DNAJC3: variants seen among roughly 807,000 people sequenced by gnomAD.
DNAJC3 encodes DnaJ heat shock protein family (Hsp40) member C3, also known as dnaJ homolog subfamily C member 3.
DNAJC3 carries 38 observed loss-of-function variants against 68.6 expected under a neutral mutation model. The observed-to-expected ratio is 0.55, with a 90% CI of 0.43 to 0.73. The LOEUF (loss-of-function observed/expected upper bound fraction) is 0.73. DNAJC3 is among the 30% of genes least tolerant of loss of function. DNAJC3 has a pLI of 0.00. For synonymous variants in DNAJC3, 203 were observed against 204.0 expected (o/e 1.00, Z 0.04); for missense variants, 526 against 591.9 (o/e 0.89, Z 1.16).
chr13:95,746,074 T>C (rs1882296758), intron 4 of DNAJC3, among the ~76,000 whole-genome samples: 1 of 152,178 alleles, frequency 6.6e-6, no homozygotes, highest in Non-Finnish European at 1.5e-5. Context: ...AGTTGGCAAG[T>C]AGGTTTTAGA....
Position 95,794,393 on chromosome 13 carries a change from CAA to C in DNAJC3, c.*3365_*3366del, listed in dbSNP as rs1883898098. ...GACACGGCCCTGGTGATGGGCGTTGCAAAGTTTTCACTGAGCACACAGCAATG... is the reference window on the plus strand; with the variant it reads ...GACACGGCCCTGGTGATGGGCGTTGCAGTTTTCACTGAGCACACAGCAATG... On this transcript the variant is annotated 3_prime_UTR_variant, in exon 12 of 12. Coordinates refer to ENST00000602402, the MANE Select transcript of DNAJC3 (RefSeq NM_006260.5). 1 of 152,204 alleles carries C rather than the reference CAA, an allele frequency of 6.6e-6. No individual in the cohort carries two copies. Among genetic ancestry groups the C allele is most frequent in the Admixed American group, 6.5e-5 (1 of 15,276 alleles). The allele number at this position is 152,204 out of a possible 1,614,324, so 9.4% of individuals were successfully genotyped here. A position where few individuals can be genotyped will look rare whatever the true frequency, so the allele number is the denominator to read the frequency against.
chr13:95,723,351 G>A lies in DNAJC3; in HGVS notation c.303G>A (p.Lys101=). ...LPDLTKVIQL[K]MDFTAARLQR... is the part of the protein sequence containing the mutation. ...ATTTAACTAAAGTGATTCAATTGAA[G>A]ATGGACTTCACTGCAGTAAGTATAT... The change falls in exon 3 of 12, where the codon AAG becomes AAA. Residue 101 remains lysine (K), a synonymous_variant. Coordinates refer to ENST00000602402, the MANE Select transcript of DNAJC3 (RefSeq NM_006260.5). 6.2e-7 allele frequency: 1 copy of A among 1,612,222 alleles called. No homozygotes were observed. Among genetic ancestry groups the A allele is most frequent in the Non-Finnish European group, 8.5e-7 (1 of 1,178,864 alleles).
At chr13:95,772,962 A>G (rs1367709799) in intron 9 of DNAJC3, among the ~76,000 whole-genome samples, 2 of 152,132 alleles carry the variant, frequency 1.3e-5, no homozygotes, top group African/African-American at 4.8e-5. Flanking sequence ...GTCAGAGTTC[A>G]GTGTTAAGGA....
intron 9 of DNAJC3, among the ~76,000 whole-genome samples, chr13:95,768,269 A>G (rs1026605727): frequency 6.6e-6 from 1 of 152,214 alleles, no homozygotes; most frequent in Non-Finnish European, 1.5e-5. Flanking sequence ...TGTGGTGGCT[A>G]TTAAATAAGA....
intron 1 of DNAJC3, among the ~76,000 whole-genome samples, chr13:95,695,861 G>T (rs1174817926): frequency 2.6e-5 from 4 of 152,152 alleles, no homozygotes; most frequent in Non-Finnish European, 5.9e-5. Context: ...AGCTGAAGTT[G>T]TAATTAAACT....
At chr13:95,749,034 A>G (rs1417451983) in intron 4 of DNAJC3, among the ~76,000 whole-genome samples, 1 of 152,222 alleles carries the variant, frequency 6.6e-6, no homozygotes, top group Non-Finnish European at 1.5e-5. Flanking sequence ...AACTGTAAGG[A>G]GCTATCAATT....
chr13:95,764,371 C>CTATA (rs1281146488), intron 9 of DNAJC3, among the ~76,000 whole-genome samples: 53 of 132,744 alleles, frequency 4.0e-4, no homozygotes, highest in Middle Eastern at 3.9e-3. Context: ...CTCTCTCTCT[C>CTATA]TCTCTATATA....
intron 4 of DNAJC3, among the ~76,000 whole-genome samples, chr13:95,741,411 AT>A (rs1179845824): frequency 6.6e-6 from 1 of 152,036 alleles, no homozygotes; most frequent in African/African-American, 2.4e-5. Flanking sequence ...TTTGCTGGGG[AT>A]GGGGATGTCA....
At chr13:95,785,854 G>A (rs1385105197) in intron 9 of DNAJC3, 85 bp from the exon 10 acceptor site, 4 of 1,312,178 alleles carry the variant, frequency 3.0e-6, no homozygotes, top group Admixed American at 2.9e-5. Context: ...GGGGGATGAC[G>A]ACTTTAGCAT....
intron 2 of DNAJC3, among the ~76,000 whole-genome samples, chr13:95,716,925 A>T (rs1881169994): frequency 6.6e-6 from 1 of 152,198 alleles, no homozygotes; most frequent in Non-Finnish European, 1.5e-5. Flanking sequence ...GTCCGTGGGC[A>T]CAGGCCCAAG....
At chr13:95,709,374 T>G (rs762393448) in intron 2 of DNAJC3, 37 bp downstream of exon 2, 25 of 1,465,320 alleles carry the variant, frequency 1.7e-5, no homozygotes, top group Non-Finnish European at 2.2e-5. Context: ...AGTGTCTGTC[T>G]TAGTGAATTC....
intron 4 of DNAJC3, among the ~76,000 whole-genome samples, chr13:95,729,655 A>G (rs962586639): frequency 6.6e-6 from 1 of 152,016 alleles, no homozygotes; most frequent in African/African-American, 2.4e-5. Flanking sequence ...TTTTCTCTGC[A>G]TTCTTGCCAG....
At chr13:95,734,495 G>C (rs1881824264) in intron 4 of DNAJC3, among the ~76,000 whole-genome samples, 1 of 152,284 alleles carries the variant, frequency 6.6e-6, no homozygotes, top group East Asian at 1.9e-4. Flanking sequence ...ATGTGCCATG[G>C]AGAAGTCCTT....
chr13:95,760,033 C>G lies in DNAJC3; in HGVS notation c.547-7C>G, dbSNP rs764758052. 1.8e-5 allele frequency: 29 copies of G among 1,569,216 alleles called. No individual in the cohort carries two copies. Among genetic ancestry groups the G allele is most frequent in the Non-Finnish European group, 2.4e-5 (28 of 1,158,140 alleles). ...TTTCTTAAAGTCTAGTTCTTTTGTTCCTCAAGGTTTGTGTTTGGGATGCAG... is the reference window on the plus strand; with the variant it reads ...TTTCTTAAAGTCTAGTTCTTTTGTTGCTCAAGGTTTGTGTTTGGGATGCAG... On this transcript the variant is annotated splice_polypyrimidine_tract_variant and splice_region_variant and intron_variant, in intron 5 of 11. Transcript: ENST00000602402.
chr13:95,677,682 C>A (rs1200250535), intron 1 of DNAJC3, among the ~76,000 whole-genome samples: 2 of 152,202 alleles, frequency 1.3e-5, no homozygotes, highest in Non-Finnish European at 2.9e-5. Context: ...GCTTGGGACC[C>A]TCGCTGGGCG....
chr13:95,741,278 G>A (rs1047765401), intron 4 of DNAJC3, among the ~76,000 whole-genome samples: 2 of 152,194 alleles, frequency 1.3e-5, no homozygotes, highest in African/African-American at 4.8e-5. Context: ...CTTTGGCTTT[G>A]ATTCTTGGTG....
Position 95,760,275 on chromosome 13 carries a change from T to TA in DNAJC3, c.728+55dup, listed in dbSNP as rs1445420076. ...CTTTTTTAATTGTTGGCAGTAAGAT[T>TA]ACCTCATCTTGTTTTAACATTTTAA... On this transcript the variant is annotated intron_variant, in intron 6 of 11. Transcript: ENST00000602402. 16 of 1,384,940 alleles carry TA rather than the reference T, an allele frequency of 1.2e-5. No homozygotes were observed. The African/African-American group carries it at 2.2e-4, about 19-fold the overall frequency. The allele number at this position is 1,384,940 out of a possible 1,614,324, so 85.8% of individuals were successfully genotyped here. A position where few individuals can be genotyped will look rare whatever the true frequency, so the allele number is the denominator to read the frequency against.
intron 4 of DNAJC3, among the ~76,000 whole-genome samples, chr13:95,726,870 CA>C (rs2139644953): frequency 6.6e-6 from 1 of 152,314 alleles, no homozygotes; most frequent in Admixed American, 6.5e-5. Flanking sequence ...CTAACATTAT[CA>C]TAACACTTGT....
At chr13:95,734,969 C>G (rs1316384064) in intron 4 of DNAJC3, among the ~76,000 whole-genome samples, 18 of 123,688 alleles carry the variant, frequency 1.5e-4, no homozygotes, top group South Asian at 6.9e-4. Flanking sequence ...TCCCTCCCCC[C>G]TCCCCCCCAC....
Sources: gnomAD v4.1 joint callset for allele counts (sites outside exome capture counted in the v4.1 genomes callset) on GRCh38, gnomAD v4.1.1 for gene constraint, MANE v1.5 for transcripts, NCBI Gene and HGNC (gene_info 2026-07-23, HGNC 2026-07-21) for gene names.